Variants in DST observed in about 807,000 individuals in gnomAD.
The protein encoded by DST is bullous pemphigoid antigen.
A neutral mutation model predicts 875.2 loss-of-function variants in DST; 253 were observed. The ratio of observed to expected loss-of-function variants is 0.29; its 90% CI spans 0.26 to 0.32. DST has a LOEUF of 0.32. Among genes scored for constraint, DST ranks in the 10% least tolerant of loss-of-function variants. The probability of loss-of-function intolerance (pLI) is 1.00; values close to 1 mark genes in which losing one functional copy is unlikely to be tolerated. For missense variants in DST, 8,287 were observed against 9,111.6 expected (o/e 0.91, Z 3.68); for synonymous variants, 3,124 against 3,197.1 (o/e 0.98, Z 0.77).
intron 93 of DST, among the ~76,000 whole-genome samples, chr6:56,472,436 C>T (rs1049571402): frequency 2.0e-5 from 3 of 152,184 alleles, no homozygotes; most frequent in Admixed American, 6.5e-5. Flanking sequence ...AAAGAAATAT[C>T]TCTGGACAGG....
At position 56,573,679 on chromosome 6, in the gene DST, A is replaced by T. The variant is rs773931543; in HGVS notation, c.13236T>A (p.Ile4412=). 2.5e-6 allele frequency: 4 copies of T among 1,607,950 alleles called. No individual in the cohort carries two copies. The highest frequency in any genetic ancestry group is 1.3e-5 in the African/African-American group (1 of 74,856). Residue 4412 remains isoleucine (I), a splice_region_variant and synonymous_variant, in exon 51 of 104, where the codon ATT becomes ATA. Transcript: ENST00000680361. ...TALQDIISKN[I]MLEQDIAGRQ... is the part of the protein sequence containing the mutation. ...GGGACTTTTTTTTAAAGTCACTTAC[A>T]ATGTTTTTACTGATAATATCCTGAA...
chr6:56,805,046 CATTT>C (rs1177773951), intron 4 of DST, among the ~76,000 whole-genome samples: 72 of 151,848 alleles, frequency 4.7e-4, no homozygotes, highest in African/African-American at 1.7e-3. Context: ...TACAAATCAT[CATTT>C]ATTCATTAAA....
chr6:56,552,042 C>A, intron 61 of DST, 142 bp downstream of exon 61: 1 of 935,870 alleles, frequency 1.1e-6, no homozygotes, highest in Non-Finnish European at 1.6e-6. Context: ...CTGGGTGTTA[C>A]CCCCATATAT....
chr6:56,659,296 A>T (rs1258711764), intron 10 of DST, among the ~76,000 whole-genome samples: 1 of 152,202 alleles, frequency 6.6e-6, no homozygotes, highest in Admixed American at 6.5e-5. Context: ...TGGATGAGAG[A>T]CAACACAGAG....
chr6:56,501,009 T>C, intron 80 of DST, 71 bp downstream of exon 80: 1 of 1,468,232 alleles, frequency 6.8e-7, no homozygotes, highest in Non-Finnish European at 9.2e-7. Flanking sequence ...AAAGAAGAAA[T>C]ATATCCAAGA....
At chr6:56,617,033 T>G (rs1424117186) in intron 36 of DST, 1 of 1,613,610 alleles carries the variant, frequency 6.2e-7, no homozygotes, top group East Asian at 2.2e-5. Flanking sequence ...TTTTGTAGAT[T>G]CTAGGTAAAG....
Position 56,504,031 on chromosome 6 carries a change from A to C in DST, c.19532T>G (p.Leu6511Arg), listed in dbSNP as rs1351847323. The C allele has an allele frequency of 6.2e-7, 1 of 1,609,276 alleles. No homozygotes were observed. The highest frequency in any genetic ancestry group is 1.3e-5 in the African/African-American group (1 of 74,694). The stretch of plus-strand genomic sequence containing the variant: ...TTCAATCTGCTGCTTGACAGTTTCG[A>C]GATCTGTTCCAATTGGAGACATTGA... ...LASMSPIGTD[L>R]ETVKQQIEEL... is the part of the protein sequence containing the mutation. Residue 6511 changes from leucine to arginine, a missense_variant, in exon 78 of 104, where the codon CTC (leucine) becomes CGC (arginine). Leu to Arg is a moderately radical substitution (Grantham distance 102). Transcript: ENST00000680361.
intron 87 of DST, among the ~76,000 whole-genome samples, chr6:56,486,578 T>C (rs562667159): frequency 2.0e-5 from 3 of 152,166 alleles, no homozygotes; most frequent in African/African-American, 7.2e-5. Flanking sequence ...TTGAAATATG[T>C]CTTGGGTTTT....
chr6:56,721,127 G>A, intron 5 of DST, among the ~76,000 whole-genome samples: 1 of 151,318 alleles, frequency 6.6e-6, no homozygotes, highest in East Asian at 1.9e-4. Context: ...TCCCAGACAG[G>A]GCAGCTGCTG....
intron 70 of DST, 82 bp downstream of exon 70, chr6:56,517,419 A>G: frequency 1.3e-6 from 2 of 1,595,738 alleles, no homozygotes; most frequent in Non-Finnish European, 1.7e-6. Context: ...GGTCTTAAAA[A>G]GTAAATCATA....
At position 56,640,571 on chromosome 6, in the gene DST, T is replaced by C; in HGVS notation, c.2062A>G (p.Arg688Gly). Residue 688 changes from arginine (R) to glycine (G), a missense_variant, in exon 18 of 104, where the codon AGG (arginine) becomes GGG (glycine). Transcript: ENST00000680361. ...CTGTACACAGAAGAACATTCGTTCCTTAAGGCCATAATTTCGTCACGCAGT... is the reference window on the plus strand; with the variant it reads ...CTGTACACAGAAGAACATTCGTTCCCTAAGGCCATAATTTCGTCACGCAGT... ...AKLRDEIMAL[R>G]NECSSVYSKG... The C allele has an allele frequency of 1.9e-6, 3 of 1,614,216 alleles. No homozygotes were observed. Among genetic ancestry groups the C allele is most frequent in the Non-Finnish European group, 2.5e-6 (3 of 1,180,028 alleles).
At chr6:56,886,736 A>G (rs1784835127) in intron 3 of DST, among the ~76,000 whole-genome samples, 1 of 145,496 alleles carries the variant, frequency 6.9e-6, no homozygotes, top group Admixed American at 7.3e-5. Context: ...AGATCGTGCC[A>G]TTGCACTCCA....
chr6:56,653,575 C>G (rs1015653210), intron 10 of DST, among the ~76,000 whole-genome samples: 13 of 152,180 alleles, frequency 8.5e-5, no homozygotes, highest in African/African-American at 2.9e-4. Context: ...ATCCCAGCTA[C>G]TCGGGAGGCT....
chr6:56,535,382 C>T (rs1361954243), intron 62 of DST, 90 bp from the exon 63 acceptor site: 3 of 1,384,284 alleles, frequency 2.2e-6, no homozygotes, highest in East Asian at 5.5e-5. Flanking sequence ...GCTTATTTTC[C>T]CGTGTGGTCA....
intron 3 of DST, among the ~76,000 whole-genome samples, chr6:56,889,837 C>CT (rs1193369237): frequency 6.6e-6 from 1 of 152,114 alleles, no homozygotes; most frequent in Non-Finnish European, 1.5e-5. Flanking sequence ...TTGCTACCTC[C>CT]TAGGTGCCCT....
intron 73 of DST, among the ~76,000 whole-genome samples, 165 bp downstream of exon 73, chr6:56,511,032 C>T (rs979050460): frequency 2.6e-5 from 4 of 152,126 alleles, no homozygotes; most frequent in Admixed American, 1.3e-4. Context: ...GAGATAAAGG[C>T]TGGATGCAAG....
chr6:56,607,231 G>GC lies in DST; in HGVS notation c.7396dup (p.Ala2466GlyfsTer8). ...TTTGTCACTGAATGATAAGGCTGGG[G>GC]CTTCACACTTATTTCCATTGCTCTC... On this transcript the variant is annotated frameshift_variant, in exon 40 of 104. Coordinates refer to ENST00000680361, the MANE Select transcript of DST (RefSeq NM_001374736.1). LOFTEE classifies it high-confidence loss of function. 1 of 1,613,386 alleles carries GC rather than the reference G, an allele frequency of 6.2e-7. No individual in the cohort carries two copies. Among genetic ancestry groups the GC allele is most frequent in the Non-Finnish European group, 8.5e-7 (1 of 1,179,590 alleles).
chr6:56,908,095 A>ATGTGTGTGTG (rs1562364154), intron 2 of DST, among the ~76,000 whole-genome samples: 1,519 of 146,984 alleles, frequency 0.01, 22 homozygotes, highest in East Asian at 0.036. Context: ...ACATATATAT[A>ATGTGTGTGTG]TATACACACA....
intron 91 of DST, 144 bp from the exon 92 acceptor site, chr6:56,476,481 G>C (rs370002375): frequency 3.0e-6 from 2 of 669,378 alleles, no homozygotes; most frequent in East Asian, 2.9e-5. Context: ...GATTCCATTA[G>C]TGGCATCAAG....
Sources: gnomAD v4.1 joint callset for allele counts (sites outside exome capture counted in the v4.1 genomes callset) on GRCh38, gnomAD v4.1.1 for gene constraint, MANE v1.5 for transcripts, NCBI Gene and HGNC (gene_info 2026-07-23, HGNC 2026-07-21) for gene names.